Variants in DOCK1 observed in about 807,000 individuals in gnomAD.
DOCK1 encodes dedicator of cytokinesis 1.
A neutral mutation model predicts 262.7 loss-of-function variants in DOCK1; 138 were observed. That is an observed-to-expected ratio of 0.53 (90% CI 0.46 to 0.61). The LOEUF (loss-of-function observed/expected upper bound fraction) is 0.61, where lower values mean the gene tolerates loss of function less well. Ranked by LOEUF, DOCK1 falls within the 20% of genes least tolerant of loss-of-function variation. The pLI is 0.00. For missense variants in DOCK1, 1,908 were observed against 2,370.7 expected, an observed-to-expected ratio of 0.80 and a Z score of 4.05; for synonymous variants, 866 against 867.4, an observed-to-expected ratio of 1.00 and a Z score of 0.03.
At chr10:126,961,913 A>G (rs962983443) in intron 1 of DOCK1, among the ~76,000 whole-genome samples, 9,042 of 152,230 alleles carry the variant, frequency 0.059, 297 homozygotes, top group African/African-American at 0.078. Context: ...CACAGCAGCT[A>G]CACCATTTTG....
intron 1 of DOCK1, among the ~76,000 whole-genome samples, chr10:126,918,389 G>C (rs1363702152): frequency 2.6e-5 from 4 of 152,272 alleles, no homozygotes; most frequent in Non-Finnish European, 5.9e-5. Context: ...TGCCCAGCTG[G>C]TGTGCTTGTC....
intron 1 of DOCK1, among the ~76,000 whole-genome samples, chr10:126,912,493 A>G (rs1470551233): frequency 2.0e-5 from 3 of 151,430 alleles, no homozygotes; most frequent in Non-Finnish European, 2.9e-5. Flanking sequence ...TTGGGAGGCC[A>G]AGGCGGGGAG....
At chr10:126,913,485 A>C (rs1019026809) in intron 1 of DOCK1, among the ~76,000 whole-genome samples, 10 of 152,068 alleles carry the variant, frequency 6.6e-5, no homozygotes, top group African/African-American at 2.4e-4. Context: ...CTCCACTCGC[A>C]CCTTGCGTGG....
chr10:127,311,892 T>C (rs1392260270), intron 29 of DOCK1, among the ~76,000 whole-genome samples: 1 of 151,874 alleles, frequency 6.6e-6, no homozygotes, highest in Admixed American at 6.6e-5. Context: ...TGAGATGGAG[T>C]CTCACTCTGT....
intron 1 of DOCK1, among the ~76,000 whole-genome samples, chr10:126,958,622 A>C (rs1450609633): frequency 6.6e-6 from 1 of 152,126 alleles, no homozygotes; most frequent in Non-Finnish European, 1.5e-5. Flanking sequence ...TTTCTCTAGA[A>C]GGCTGAGTCC....
At chr10:126,948,626 T>G (rs1223886633) in intron 1 of DOCK1, among the ~76,000 whole-genome samples, 2 of 151,928 alleles carry the variant, frequency 1.3e-5, no homozygotes, top group African/African-American at 4.8e-5. Flanking sequence ...GAAGGAAAGT[T>G]TCCCGATGTG....
intron 31 of DOCK1, among the ~76,000 whole-genome samples, chr10:127,347,420 G>A (rs1244672610): frequency 6.6e-6 from 1 of 152,252 alleles, no homozygotes; most frequent in Non-Finnish European, 1.5e-5. Context: ...AGCCGTGGGA[G>A]ACAGAGGCCT....
chr10:126,934,951 A>T (rs2034466397), intron 1 of DOCK1, among the ~76,000 whole-genome samples: 1 of 152,082 alleles, frequency 6.6e-6, no homozygotes, highest in Non-Finnish European at 1.5e-5. Context: ...TCTATTAAAA[A>T]TACAAAAAAT....
At chr10:127,206,618 C>T (rs1288381226) in intron 27 of DOCK1, among the ~76,000 whole-genome samples, 3 of 152,176 alleles carry the variant, frequency 2.0e-5, no homozygotes, top group Admixed American at 6.5e-5. Context: ...CAAAGTCCCC[C>T]TCCACCTCCT....
chr10:127,441,579 T>G (rs2070138727), intron 49 of DOCK1, among the ~76,000 whole-genome samples: 1 of 152,100 alleles, frequency 6.6e-6, no homozygotes, highest in Non-Finnish European at 1.5e-5. Flanking sequence ...ACCTGAAGTT[T>G]CCTAGCAGGC....
At chr10:127,201,180 C>T (rs144649370) in intron 27 of DOCK1, among the ~76,000 whole-genome samples, 1,554 of 152,294 alleles carry the variant, frequency 0.01, 18 homozygotes, top group African/African-American at 0.026. Flanking sequence ...CCTTTTCTGC[C>T]GAGAAGCCCT....
At chr10:127,149,601 G>A (rs1461203206) in intron 27 of DOCK1, among the ~76,000 whole-genome samples, 3 of 152,148 alleles carry the variant, frequency 2.0e-5, no homozygotes, top group African/African-American at 7.2e-5. Context: ...TATGCTGCTC[G>A]GAGAGGGTAA....
chr10:127,054,025 C>T (rs1312135579), intron 22 of DOCK1, among the ~76,000 whole-genome samples: 3 of 152,158 alleles, frequency 2.0e-5, no homozygotes, highest in Non-Finnish European at 2.9e-5. Context: ...TTAGCGAATA[C>T]ATTTGCCTTT....
chr10:127,262,193 C>T (rs1353518910), intron 29 of DOCK1, among the ~76,000 whole-genome samples: 53 of 88,492 alleles, frequency 6.0e-4, no homozygotes, highest in African/African-American at 2.3e-3. Context: ...TGTGTGTACC[C>T]GTGCTCATCT....
At chr10:127,079,378 G>A (rs570371109) in intron 23 of DOCK1, among the ~76,000 whole-genome samples, 3 of 152,254 alleles carry the variant, frequency 2.0e-5, no homozygotes, top group African/African-American at 7.2e-5. Flanking sequence ...TTTCCTCTCT[G>A]GAATCCTTCT....
intron 1 of DOCK1, among the ~76,000 whole-genome samples, chr10:126,948,642 G>T (rs1047758559): frequency 2.0e-5 from 3 of 151,964 alleles, no homozygotes; most frequent in Non-Finnish European, 4.4e-5. Flanking sequence ...ATGTGGGGTT[G>T]CAGGGTCAGG....
At chr10:127,360,000 C>T (rs995507323) in intron 32 of DOCK1, among the ~76,000 whole-genome samples, 3 of 151,934 alleles carry the variant, frequency 2.0e-5, no homozygotes, top group Non-Finnish European at 4.4e-5. Context: ...GTTTTAGTTG[C>T]AGTGGGGTGA....
At chr10:127,141,364 C>G (rs1346126222) in intron 27 of DOCK1, among the ~76,000 whole-genome samples, 2 of 152,158 alleles carry the variant, frequency 1.3e-5, no homozygotes, top group Non-Finnish European at 2.9e-5. Flanking sequence ...CTAGCAGTTG[C>G]CTACGTAATA....
Position 126,950,943 on chromosome 10 carries a change from C to T in DOCK1, c.47-19759C>T, listed in dbSNP as rs1373015938. Among the ~76,000 whole-genome samples, 12 of 151,176 alleles carry T rather than the reference C, an allele frequency of 7.9e-5. No homozygotes were observed. The South Asian group carries it at 8.5e-4, about 11-fold the overall frequency. On this transcript the variant is annotated intron_variant, in intron 1 of 51. Coordinates refer to ENST00000623213, the MANE Select transcript of DOCK1 (RefSeq NM_001290223.2). ...TGGTGGTTGGTAGTATTGCTGTTGG[C>T]GGTGATGGTGGTGGTGGTAACATTG...
Sources: gnomAD v4.1 joint callset for allele counts (sites outside exome capture counted in the v4.1 genomes callset) on GRCh38, gnomAD v4.1.1 for gene constraint, MANE v1.5 for transcripts, NCBI Gene and HGNC (gene_info 2026-07-23, HGNC 2026-07-21) for gene names.